The following WDR24 variants were observed in gnomAD, a reference collection of about 807,000 sequenced individuals.
WDR24 encodes the protein WD repeat domain 24.
Under a neutral mutation model 66.7 loss-of-function variants are expected in WDR24, and 32 were observed. The ratio of observed to expected loss-of-function variants is 0.48; its 90% confidence interval spans 0.36 to 0.64. The LOEUF is 0.64. Among genes scored for constraint, WDR24 ranks in the 30% least tolerant of loss-of-function variants. WDR24 has a pLI of 0.00. For synonymous variants in WDR24, 565 were observed against 469.1 expected (o/e 1.20, Z -2.64); for missense variants, 978 against 1,144.1 (o/e 0.85, Z 2.09).
At chr16:686,638 TGGAGTCCATTGC>T in intron 3 of WDR24, 94 bp downstream of exon 3, 2 of 1,365,976 alleles carry the variant, frequency 1.5e-6, no homozygotes, top group Non-Finnish European at 2.0e-6. Flanking sequence ...TGCGACTGGC[TGGAGTCCATTGC>T]GGAGCTTGAG....
In WDR24 at chr16:684,655, C is replaced by G. The variant is rs1249883301; in HGVS notation, c.*79G>C. 5 of 1,470,662 alleles carry G rather than the reference C, an allele frequency of 3.4e-6. No homozygotes were observed. The highest frequency in any genetic ancestry group is 4.5e-6 in the Non-Finnish European group (5 of 1,112,518). The allele number at this position is 1,470,662 out of a possible 1,614,324, so 91.1% of individuals were successfully genotyped here. A position where few individuals can be genotyped will look rare whatever the true frequency, so the allele number is the denominator to read the frequency against. ...ACTTCCTTTATTGAGGTCTCAAGTT[C>G]CAGCCTCCGCCCGTCTCGGGCACAA... On this transcript the variant is annotated 3_prime_UTR_variant, in exon 9 of 9. Coordinates refer to ENST00000293883, the MANE Select transcript of WDR24 (RefSeq NM_032259.4).
chr16:689,388 T>C lies in WDR24; in HGVS notation c.253A>G (p.Met85Val), dbSNP rs1480870852. ...GCTGTGGCCAGCAGGTTCTCATCCA[T>C]CTGGTGCCAGACCACGTCAGCACAG... ...LSCADVVWHQ[M>V]DENLLATAAT... The change falls in exon 1 of 9, where the codon ATG (methionine) becomes GTG (valine). Residue 85 changes from methionine to valine, a missense_variant. By Grantham distance (21) the Met-to-Val change is conservative. Transcript: ENST00000293883. 1 of 1,613,608 alleles carries C rather than the reference T, an allele frequency of 6.2e-7. No homozygotes were observed. The highest frequency in any genetic ancestry group is 8.5e-7 in the Non-Finnish European group (1 of 1,180,008).
rs1249184432 is a variant in WDR24, at chr16:686,215, C to T, written c.1333-29G>A. 7.5e-6 allele frequency: 12 copies of T among 1,605,258 alleles called. No individual in the cohort carries two copies. The Admixed American group carries it at 1.0e-4, about 13-fold the overall frequency. Reference sequence around the variant, plus strand: ...GGGGCGGGCACTGGTCACTTGTGGGCGTCCTGGACACCCAGCACCCCATGC... The same window carrying T: ...GGGGCGGGCACTGGTCACTTGTGGGTGTCCTGGACACCCAGCACCCCATGC... On this transcript the variant is annotated intron_variant, in intron 3 of 8. Coordinates refer to ENST00000293883, the MANE Select transcript of WDR24 (RefSeq NM_032259.4).
chr16:685,847 AC>A, intron 5 of WDR24, 21 bp downstream of exon 5: 1 of 1,610,962 alleles, frequency 6.2e-7, no homozygotes, highest in Non-Finnish European at 8.5e-7. Flanking sequence ...TCCCATCAGC[AC>A]CCCTACCCAC....
At chr16:688,994 G>A (rs2039938923) in intron 1 of WDR24, 166 bp downstream of exon 1, 1 of 1,136,694 alleles carries the variant, frequency 8.8e-7, no homozygotes, top group Non-Finnish European at 1.2e-6. Flanking sequence ...ATGCCGTCCA[G>A]CCCAACTTGC....
At chr16:689,101 G>T (rs1319894685) in intron 1 of WDR24, 59 bp downstream of exon 1, 2 of 1,591,694 alleles carry the variant, frequency 1.3e-6, no homozygotes, top group South Asian at 2.3e-5. Flanking sequence ...CCGCCTGCAT[G>T]GACAGGCTGG....
rs1205774141 is a variant in WDR24, at chr16:684,636, T to C, written c.*98A>G. 1 of 1,452,768 alleles carries C rather than the reference T, an allele frequency of 6.9e-7. No individual in the cohort carries two copies. The highest frequency in any genetic ancestry group is 9.1e-7 in the Non-Finnish European group (1 of 1,104,602). 90.0% of individuals were successfully genotyped at this position (1,452,768 alleles called of 1,614,324 possible). On this transcript the variant is annotated 3_prime_UTR_variant, in exon 9 of 9. Transcript: ENST00000293883. ...CAGTGCCGACAGCGGCTCTACTTCC[T>C]TTATTGAGGTCTCAAGTTCCAGCCT...
chr16:689,156 T>G lies in WDR24; in HGVS notation c.481+4A>C. The G allele has an allele frequency of 6.2e-7, 1 of 1,612,316 alleles. No homozygotes were observed. The highest frequency in any genetic ancestry group is 8.5e-7 in the Non-Finnish European group (1 of 1,179,102). ...CCTGCCCTGACCTGCCTCTGTGGCC[T>G]CACCCGAGAAGGTGCTGACAGAGTC... On this transcript the variant is annotated splice_donor_region_variant and intron_variant, in intron 1 of 8. Transcript: ENST00000293883.
At chr16:686,493 GGAA>G (rs1318677593) in intron 3 of WDR24, among the ~76,000 whole-genome samples, 1 of 152,150 alleles carries the variant, frequency 6.6e-6, no homozygotes, top group Middle Eastern at 3.2e-3. Flanking sequence ...AAGCAAGGGG[GGAA>G]GAACAGAGAG....
Position 684,818 on chromosome 16 carries a change from G to A in WDR24, c.2289C>T (p.Gly763=), listed in dbSNP as rs977760276. The A allele has an allele frequency of 7.0e-6, 11 of 1,572,938 alleles. No homozygotes were observed. The highest frequency in any genetic ancestry group is 2.4e-5 in the East Asian group (1 of 41,964). ...ACTTCATGATGTGCTGCAGGTGGCC[G>A]CCGTGGCTGCAGCCCTGGCACCACA... The part of the protein sequence containing the change: ...LFVWCQGCSH[G]GHLQHIMKWL... The change falls in exon 9 of 9, where the codon GGC becomes GGT. Residue 763 remains glycine, a synonymous_variant. Coordinates refer to ENST00000293883, the MANE Select transcript of WDR24 (RefSeq NM_032259.4).
In WDR24 at chr16:690,394, A is replaced by G. The variant is rs768168604; in HGVS notation, c.-754T>C. ...CGGTTGTCCGGAACCGCCGCGCCGG[A>G]AGCCGCTGTCTTTCCCGTCCCTCGC... On this transcript the variant is annotated 5_prime_UTR_variant, in exon 1 of 9. Transcript: ENST00000293883. 4 of 456,558 alleles carry G rather than the reference A, an allele frequency of 8.8e-6. No homozygotes were observed. The highest frequency in any genetic ancestry group is 1.3e-5 in the Non-Finnish European group (3 of 226,952). The allele number at this position is 456,558 out of a possible 1,614,324, so 28.3% of individuals were successfully genotyped here.
Position 689,940 on chromosome 16 carries a change from T to C in WDR24, c.-300A>G, listed in dbSNP as rs1228525625. On this transcript the variant is annotated 5_prime_UTR_variant, in exon 1 of 9. It removes the in-frame stop codon of an upstream open reading frame in the 5' UTR. Coordinates refer to ENST00000293883, the MANE Select transcript of WDR24 (RefSeq NM_032259.4). ...CATGTCTGACTTCCACGGAAGACTC[T>C]AGCTGGACATTCCCGGCCCAGGCCA... is the stretch of plus-strand genomic sequence containing the variant. 6.5e-6 allele frequency: 4 copies of C among 620,144 alleles called. No homozygotes were observed. The highest frequency in any genetic ancestry group is 1.5e-5 in the South Asian group (1 of 66,064). The allele number at this position is 620,144 out of a possible 1,614,324, so 38.4% of individuals were successfully genotyped here. A position where few individuals can be genotyped will look rare whatever the true frequency, so the allele number is the denominator to read the frequency against.
At chr16:688,023 C>T in intron 1 of WDR24, 1 of 593,228 alleles carries the variant, frequency 1.7e-6, no homozygotes. Flanking sequence ...AGCTGTGGTG[C>T]AGCCTCAGGA....
At chr16:687,926 C>T (rs541577098) in intron 1 of WDR24, 187 bp from the exon 2 acceptor site, 7 of 762,218 alleles carry the variant, frequency 9.2e-6, no homozygotes, top group South Asian at 2.9e-5. Context: ...AGCCTGGGCC[C>T]GGGAGCAGGA....
In WDR24 at chr16:686,929, G is replaced by A. The variant is rs549402723; in HGVS notation, c.1147C>T (p.Leu383=). The change falls in exon 3 of 9, where the codon CTG becomes TTG. Residue 383 remains leucine (L), a synonymous_variant. Transcript: ENST00000293883. The stretch of plus-strand genomic sequence containing the variant: ...CCTGCGAAGGGCTCGGCAGGGTCCA[G>A]CTTGCGCTTAAAGAAGATGGGGTGG... The part of the protein sequence containing the change: ...RRHPIFFKRK[L]DPAEPFAGLA... 1.2e-6 allele frequency: 2 copies of A among 1,604,972 alleles called. No homozygotes were observed. Among genetic ancestry groups the A allele is most frequent in the African/African-American group, 2.7e-5 (2 of 75,010 alleles).
rs758685114 is a variant in WDR24 at position 686,202 on chromosome 16, G to T, written c.1333-16C>A. The T allele has an allele frequency of 9.3e-6, 15 of 1,610,682 alleles. No homozygotes were observed. Among genetic ancestry groups the T allele is most frequent in the Non-Finnish European group, 1.2e-5 (14 of 1,179,240 alleles). On this transcript the variant is annotated splice_polypyrimidine_tract_variant and intron_variant, in intron 3 of 8. Transcript: ENST00000293883. ...TTTGCGCCACCTAGGGGCGGGCACT[G>T]GTCACTTGTGGGCGTCCTGGACACC... is the stretch of plus-strand genomic sequence containing the variant.
Position 685,962 on chromosome 16 carries a change from A to C in WDR24, c.1480T>G (p.Leu494Val). The C allele has an allele frequency of 6.2e-7, 1 of 1,612,986 alleles. No individual in the cohort carries two copies. The highest frequency in any genetic ancestry group is 1.3e-5 in the African/African-American group (1 of 74,992). Residue 494 changes from leucine (L) to valine (V), a missense_variant, in exon 5 of 9, where the codon TTG (leucine) becomes GTG (valine). Coordinates refer to ENST00000293883, the MANE Select transcript of WDR24 (RefSeq NM_032259.4). ...CGGTCCAGCCGCGTCTCACTGCCCA[A>C]CCCTGGGGCCATATCCTTCAGGTTG... is the stretch of plus-strand genomic sequence containing the variant. Reference protein sequence around the residue: ...SFNLKDMAPGLGSETRLDRSK... With the variant: ...SFNLKDMAPGVGSETRLDRSK...
rs1276745087 is a variant in WDR24 at position 685,126 on chromosome 16, C to A, written c.2070G>T (p.Trp690Cys). The A allele has an allele frequency of 1.3e-6, 2 of 1,560,578 alleles. No individual in the cohort carries two copies. Among genetic ancestry groups the A allele is most frequent in the Non-Finnish European group, 1.7e-6 (2 of 1,153,224 alleles). Residue 690 changes from tryptophan to cysteine, a missense_variant, in exon 8 of 9, where the codon TGG becomes TGT. By Grantham distance (215) the Trp-to-Cys change is radical. This residue lies in a region of WDR24 where 676 missense variants were observed against 617.5 expected (regional missense o/e 1.09). Transcript: ENST00000293883. ...GCTTGACCACCTCGTTGGACACGTT[C>A]CAGAGGCGGAAGCGCTGCAGCAGGT... ...YIDLLQRFRL[W>C]NVSNEVVKLS...
chr16:687,784 A>G, intron 1 of WDR24, 45 bp from the exon 2 acceptor site: 1 of 1,594,312 alleles, frequency 6.3e-7, no homozygotes, highest in Non-Finnish European at 8.5e-7. Flanking sequence ...GGGCTGGCCC[A>G]TGAGGTGCGC....
Sources: gnomAD v4.1 joint callset for allele counts (sites outside exome capture counted in the v4.1 genomes callset) on GRCh38, gnomAD v4.1.1 for gene constraint, gnomAD v4.1.1 regional missense constraint, MANE v1.5 for transcripts, NCBI Gene and HGNC (gene_info 2026-07-23, HGNC 2026-07-21) for gene names.